Variants in TNRC6C observed in about 807,000 individuals in gnomAD.
TNRC6C encodes trinucleotide repeat-containing gene 6C protein.
A neutral mutation model predicts 153.7 loss-of-function variants in TNRC6C; 20 were observed. That is an observed-to-expected ratio of 0.13 (90% CI 0.09 to 0.19). TNRC6C has a LOEUF of 0.19. Among genes scored for constraint, TNRC6C ranks in the 10% least tolerant of loss-of-function variants. The pLI is 1.00. For synonymous variants in TNRC6C, 811 were observed against 841.4 expected (o/e 0.96, Z 0.63); for missense variants, 1,987 against 2,172.0 (o/e 0.91, Z 1.69).
intron 1 of TNRC6C, among the ~76,000 whole-genome samples, chr17:78,017,382 T>C (rs758632647): frequency 2.2e-4 from 34 of 152,160 alleles, no homozygotes; most frequent in Non-Finnish European, 4.1e-4. Flanking sequence ...GAACTTCTTT[T>C]CCCATGTTGC....
chr17:77,986,081 A>G (rs906009385), intron 1 of TNRC6C, among the ~76,000 whole-genome samples: 1 of 152,254 alleles, frequency 6.6e-6, no homozygotes. Context: ...TAAAAAAATT[A>G]TAAAATACCT....
intron 3 of TNRC6C, among the ~76,000 whole-genome samples, chr17:78,063,476 C>T (rs2072810580): frequency 6.6e-6 from 1 of 151,766 alleles, no homozygotes; most frequent in East Asian, 1.9e-4. Context: ...AGTTCACACC[C>T]GTGTTGTCAA....
chr17:77,959,949 G>A (rs964324967), intron 1 of TNRC6C, among the ~76,000 whole-genome samples: 3 of 152,202 alleles, frequency 2.0e-5, no homozygotes, highest in Non-Finnish European at 4.4e-5. Context: ...AGATGTGGAT[G>A]TGGGGGTTCC....
At chr17:77,991,235 AG>A (rs1272295430) in intron 1 of TNRC6C, among the ~76,000 whole-genome samples, 2 of 152,220 alleles carry the variant, frequency 1.3e-5, no homozygotes, top group African/African-American at 2.4e-5. Flanking sequence ...GTCAAATCTC[AG>A]GGGCTTGATG....
At chr17:78,081,308 G>A (rs958793582) in intron 10 of TNRC6C, among the ~76,000 whole-genome samples, 4 of 151,902 alleles carry the variant, frequency 2.6e-5, no homozygotes, top group African/African-American at 9.7e-5. Context: ...ATAGCATATG[G>A]GAAGGCAATG....
chr17:78,087,609 A>T (rs1486110660), intron 13 of TNRC6C, among the ~76,000 whole-genome samples: 6 of 152,188 alleles, frequency 3.9e-5, no homozygotes, highest in Non-Finnish European at 5.9e-5. Context: ...TTTACCAGCC[A>T]CTGTCCTCCA....
Position 78,049,112 on chromosome 17 carries a change from C to T in TNRC6C, c.50C>T (p.Thr17Ile), listed in dbSNP as rs1176734539. 1.5e-5 allele frequency: 24 copies of T among 1,583,738 alleles called. No homozygotes were observed. Among genetic ancestry groups the T allele is most frequent in the Non-Finnish European group, 2.1e-5 (24 of 1,164,358 alleles). Residue 17 changes from threonine to isoleucine, a missense_variant, in exon 3 of 20, where the codon ACA (threonine) becomes ATA (isoleucine). Thr to Ile is a moderately conservative substitution (Grantham distance 89). Coordinates refer to ENST00000301624, the Ensembl canonical transcript of TNRC6C. The surrounding 1 kb of genome is among the most constrained non-coding windows in gnomAD (Gnocchi z 4.1). ...AACTTCACTGGACATACCAAGAAGA[C>T]AAATGGCAATAATGGCACCAATGGC...
chr17:78,101,846 G>A (rs542707751), intron 17 of TNRC6C, among the ~76,000 whole-genome samples: 22 of 152,196 alleles, frequency 1.4e-4, no homozygotes, highest in East Asian at 1.2e-3. Context: ...CCCTCATTCC[G>A]GTACACCCAC....
At chr17:78,052,617 T>C (rs984184009) in intron 3 of TNRC6C, among the ~76,000 whole-genome samples, 1 of 152,166 alleles carries the variant, frequency 6.6e-6, no homozygotes, top group African/African-American at 2.4e-5. Context: ...CCTGGGCATT[T>C]GGGCACCTTT....
intron 9 of TNRC6C, chr17:78,077,859 G>A (rs2073111736): frequency 6.3e-6 from 1 of 159,482 alleles, no homozygotes; most frequent in Non-Finnish European, 1.4e-5. Context: ...TTCTAAATCA[G>A]TTAACTACAG....
At position 78,049,924 on chromosome 17, in the gene TNRC6C, G is replaced by A; in HGVS notation, c.862G>A (p.Val288Met). 2 of 1,614,074 alleles carry A rather than the reference G, an allele frequency of 1.2e-6. No homozygotes were observed. Among genetic ancestry groups the A allele is most frequent in the Non-Finnish European group, 8.5e-7 (1 of 1,179,898 alleles). Residue 288 changes from valine (V) to methionine (M), a missense_variant, in exon 3 of 20, where the codon GTG becomes ATG. Transcript: ENST00000301624. This position sits in a 1 kb window ranked among gnomAD's most constrained non-coding sequence, Gnocchi z 4.1. ...TAAACAAAATGGATCCAGCAGTGCT[G>A]TGCAAAAGGAAGGAAGTGGAGGAAA...
intron 1 of TNRC6C, among the ~76,000 whole-genome samples, chr17:78,024,399 C>G (rs2071894343): frequency 1.3e-5 from 2 of 152,126 alleles, no homozygotes; most frequent in East Asian, 1.9e-4. Context: ...TGGAGTCTCT[C>G]TCTGTCTCCC....
At chr17:78,042,565 ATTT>A (rs67678607) in intron 2 of TNRC6C, among the ~76,000 whole-genome samples, 3,766 of 145,252 alleles carry the variant, frequency 0.026, 157 homozygotes, top group African/African-American at 0.089. Context: ...CATTTCACAG[ATTT>A]TTTTTTTTTT....
intron 1 of TNRC6C, among the ~76,000 whole-genome samples, chr17:78,017,961 A>G (rs1038841967): frequency 2.0e-5 from 3 of 152,172 alleles, no homozygotes; most frequent in Non-Finnish European, 4.4e-5. Flanking sequence ...GAATCCCTAA[A>G]TTAGGTTATC....
In TNRC6C at chr17:78,079,635, G is replaced by A. The variant is rs1201162836; in HGVS notation, c.3357+94G>A. ...TATCTGGAAGTCACTATTTTAAAGT[G>A]AGAGCGGAGTTAATCCATGTTTAAG... On this transcript the variant is annotated intron_variant, in intron 10 of 19. Coordinates refer to ENST00000301624, the Ensembl canonical transcript of TNRC6C. This position sits in a 1 kb window ranked among gnomAD's most constrained non-coding sequence, Gnocchi z 4.3. 2 of 1,490,410 alleles carry A rather than the reference G, an allele frequency of 1.3e-6. No homozygotes were observed. The highest frequency in any genetic ancestry group is 2.8e-5 in the African/African-American group (2 of 72,108). 92.3% of individuals were successfully genotyped at this position (1,490,410 alleles called of 1,614,324 possible).
intron 3 of TNRC6C, among the ~76,000 whole-genome samples, chr17:78,056,251 G>A (rs567456300): frequency 2.0e-5 from 3 of 151,288 alleles, no homozygotes; most frequent in South Asian, 4.2e-4. Context: ...TCCACCTCCC[G>A]GGTTCAAGCG....
chr17:78,106,587 AAAG>A (rs2073701740), exon 20 of TNRC6C: 1 of 151,812 alleles, frequency 6.6e-6, no homozygotes, highest in Non-Finnish European at 1.5e-5. Flanking sequence ...AAAAAAACAC[AAAG>A]AAGAAAAATA....
intron 16 of TNRC6C, among the ~76,000 whole-genome samples, chr17:78,095,338 A>G (rs1004471893): frequency 6.6e-6 from 1 of 152,320 alleles, no homozygotes; most frequent in East Asian, 1.9e-4. Flanking sequence ...CTGCCCAGTT[A>G]AGGAGATCAA....
chr17:78,077,591 C>T, intron 9 of TNRC6C: 14 of 526,540 alleles, frequency 2.7e-5, no homozygotes, highest in South Asian at 8.2e-5. Flanking sequence ...TTGGTGCTAA[C>T]TTGGGACTGG....
Sources: allele counts gnomAD v4.1 joint callset (sites outside exome capture counted in the v4.1 genomes callset), GRCh38; gene constraint gnomAD v4.1.1; non-coding constraint Gnocchi (gnomAD v3.1); transcripts MANE v1.5; gene names NCBI Gene and HGNC (gene_info 2026-07-23, HGNC 2026-07-21).